MED27: variants seen among roughly 807,000 people sequenced by gnomAD.
The protein encoded by MED27 is mediator complex subunit 27, also known as mediator of RNA polymerase II transcription subunit 27.
MED27 carries 30 observed loss-of-function variants against 38.2 expected under a neutral mutation model. The ratio of observed to expected loss-of-function variants is 0.79; its 90% CI spans 0.59 to 1.07. MED27 has a LOEUF of 1.07. Among genes scored for constraint, MED27 ranks in the 50% least tolerant of loss-of-function variants. MED27 has a pLI of 0.00. For synonymous variants in MED27, 122 were observed against 153.5 expected (o/e 0.79, Z 1.52); for missense variants, 289 against 397.5 (o/e 0.73, Z 2.32).
At chr9:131,933,695 A>C (rs1390991613) in intron 4 of MED27, among the ~76,000 whole-genome samples, 2 of 152,150 alleles carry the variant, frequency 1.3e-5, no homozygotes, top group Admixed American at 6.5e-5. Flanking sequence ...ATATTGTTAA[A>C]ATGTCCATAC....
chr9:131,906,002 C>T (rs1324576721), intron 4 of MED27, among the ~76,000 whole-genome samples: 6 of 152,108 alleles, frequency 3.9e-5, no homozygotes, highest in Non-Finnish European at 7.4e-5. Context: ...TAAATACAGA[C>T]ATAGAAATTG....
At chr9:132,035,599 A>T (rs1833055944) in intron 2 of MED27, among the ~76,000 whole-genome samples, 1 of 152,208 alleles carries the variant, frequency 6.6e-6, no homozygotes, top group African/African-American at 2.4e-5. Flanking sequence ...ATGCAAATGC[A>T]TCTTAGAGGC....
rs926498870 is a variant in MED27, at chr9:131,862,347, C to T, written c.801+716G>A. Among the ~76,000 whole-genome samples the T allele has an allele frequency of 6.6e-6, 1 of 151,988 alleles. No individual in the cohort carries two copies. The highest frequency in any genetic ancestry group is 2.4e-5 in the African/African-American group (1 of 41,302). Reference sequence around the variant, plus strand: ...GTCTGCTGGCGTGAGAGCATGCGGCCGTGTGAGCATGCTGGCGTGAGAGCA... The same window carrying T: ...GTCTGCTGGCGTGAGAGCATGCGGCTGTGTGAGCATGCTGGCGTGAGAGCA... On this transcript the variant is annotated intron_variant, in intron 7 of 7. Coordinates refer to ENST00000292035, the MANE Select transcript of MED27 (RefSeq NM_004269.4). This position sits in a 1 kb window ranked among gnomAD's most constrained non-coding sequence, Gnocchi z 4.6.
intron 2 of MED27, among the ~76,000 whole-genome samples, chr9:132,016,054 C>T (rs573532387): frequency 2.0e-5 from 3 of 152,156 alleles, no homozygotes; most frequent in Admixed American, 6.6e-5. Flanking sequence ...TTTTCTTTGC[C>T]GAGTCAGCTG....
Position 131,924,042 on chromosome 9 carries a change from G to A in MED27, c.573+15339C>T, listed in dbSNP as rs138066876. Among the ~76,000 whole-genome samples the A allele has an allele frequency of 5.6e-3, 858 of 152,142 alleles. 7 individuals carry two copies. Among genetic ancestry groups the A allele is most frequent in the Non-Finnish European group, 9.9e-3 (672 of 68,012 alleles). On this transcript the variant is annotated intron_variant, in intron 4 of 7. Coordinates refer to ENST00000292035, the MANE Select transcript of MED27 (RefSeq NM_004269.4). ...TCACACGCCTCTGCACAGGCATTTC[G>A]GCTATTTCCAATATTCTACAATTAC... is the stretch of plus-strand genomic sequence containing the variant.
chr9:132,048,365 C>A (rs1833386723), intron 2 of MED27, among the ~76,000 whole-genome samples: 1 of 152,172 alleles, frequency 6.6e-6, no homozygotes, highest in Admixed American at 6.5e-5. Context: ...AACATTCCTA[C>A]AGCTGATAGT....
chr9:131,897,124 C>A (rs1372758554), intron 4 of MED27, among the ~76,000 whole-genome samples: 1 of 152,220 alleles, frequency 6.6e-6, no homozygotes, highest in Non-Finnish European at 1.5e-5. Context: ...CATTGCTGCA[C>A]GACATTCTAC....
intron 4 of MED27, among the ~76,000 whole-genome samples, chr9:131,920,633 A>C (rs1433718257): frequency 6.6e-6 from 1 of 152,242 alleles, no homozygotes; most frequent in Non-Finnish European, 1.5e-5. Context: ...GAAAGAAAAT[A>C]AAGGCTGTTA....
chr9:132,006,569 C>T (rs1194214746), intron 3 of MED27, among the ~76,000 whole-genome samples: 1 of 151,886 alleles, frequency 6.6e-6, no homozygotes, highest in Non-Finnish European at 1.5e-5. Context: ...TGCTCACAGT[C>T]ACTATGTAAA....
chr9:132,054,343 A>C (rs1321008324), intron 2 of MED27, among the ~76,000 whole-genome samples: 2 of 152,186 alleles, frequency 1.3e-5, no homozygotes, highest in Non-Finnish European at 2.9e-5. Context: ...GAGCTCCCTG[A>C]GGCCTCCCCA....
Position 131,916,567 on chromosome 9 carries a change from C to T in MED27, c.574-22575G>A, listed in dbSNP as rs1274414951. On this transcript the variant is annotated intron_variant, in intron 4 of 7. Transcript: ENST00000292035. ...TCTATTGATCAATACCACTGTTCTT[C>T]GAACAACAAGGCTAACGCTAATAAT... 1.7e-4 allele frequency among the ~76,000 whole-genome samples: 26 copies of T among 152,116 alleles called. 1 individual carries two copies. Among genetic ancestry groups the T allele is most frequent in the Admixed American group, 1.5e-3 (23 of 15,264 alleles).
At chr9:132,011,059 T>C (rs577994032) in intron 3 of MED27, among the ~76,000 whole-genome samples, 28 of 152,288 alleles carry the variant, frequency 1.8e-4, no homozygotes, top group African/African-American at 6.0e-4. Flanking sequence ...AGGAGTCTTC[T>C]ATAGAATACA....
At chr9:132,047,590 T>G (rs1833371029) in intron 2 of MED27, among the ~76,000 whole-genome samples, 1 of 152,096 alleles carries the variant, frequency 6.6e-6, no homozygotes, top group African/African-American at 2.4e-5. Flanking sequence ...CAATCATTCT[T>G]CCGAGACTCT....
intron 4 of MED27, among the ~76,000 whole-genome samples, chr9:131,908,143 C>T (rs557046304): frequency 1.4e-5 from 2 of 147,052 alleles, no homozygotes; most frequent in Admixed American, 6.7e-5. Flanking sequence ...GTCAGCCCCC[C>T]GCTCGGCCAG....
intron 4 of MED27, among the ~76,000 whole-genome samples, chr9:131,930,797 C>T (rs886244104): frequency 2.0e-5 from 3 of 152,060 alleles, no homozygotes; most frequent in African/African-American, 4.8e-5. Context: ...AAAATAATAA[C>T]TTTTCAAGAT....
chr9:131,948,998 C>A (rs1478087377), intron 3 of MED27, among the ~76,000 whole-genome samples: 1 of 152,188 alleles, frequency 6.6e-6, no homozygotes, highest in Non-Finnish European at 1.5e-5. Flanking sequence ...ATAAACCAAC[C>A]TGCCTACCTT....
intron 3 of MED27, among the ~76,000 whole-genome samples, chr9:131,994,160 T>C (rs753291759): frequency 6.6e-6 from 1 of 152,256 alleles, no homozygotes; most frequent in African/African-American, 2.4e-5. Flanking sequence ...ACTTAACTCT[T>C]GTTATTTCAA....
chr9:131,952,718 C>G (rs1331299432), intron 3 of MED27, among the ~76,000 whole-genome samples: 1 of 152,218 alleles, frequency 6.6e-6, no homozygotes, highest in African/African-American at 2.4e-5. Context: ...ATAGCTCTGT[C>G]AGGATCCCTC....
chr9:131,881,800 CTTTTTTTT>C (rs61624043), intron 6 of MED27, among the ~76,000 whole-genome samples: 20 of 60,964 alleles, frequency 3.3e-4, no homozygotes, highest in East Asian at 5.3e-4. Context: ...TCTTCTTCTT[CTTTTTTTT>C]TTTTTTTTTT....
Sources: allele counts gnomAD v4.1 joint callset (sites outside exome capture counted in the v4.1 genomes callset), GRCh38; gene constraint gnomAD v4.1.1; non-coding constraint Gnocchi (gnomAD v3.1); transcripts MANE v1.5; gene names NCBI Gene and HGNC (gene_info 2026-07-23, HGNC 2026-07-21).